Variants in FSTL5 observed in about 807,000 individuals in gnomAD.
FSTL5 encodes follistatin-related protein 5.
FSTL5 carries 62 observed loss-of-function variants against 89.1 expected under a neutral mutation model. That is an observed-to-expected ratio of 0.70 (90% CI 0.57 to 0.86). The LOEUF (loss-of-function observed/expected upper bound fraction) is 0.86. FSTL5 is among the 40% of genes least tolerant of loss of function. The probability of loss-of-function intolerance (pLI) is 0.00; values close to 1 mark genes in which losing one functional copy is unlikely to be tolerated. For missense variants in FSTL5, 1,057 were observed against 1,001.6 expected (o/e 1.06, Z -0.75); for synonymous variants, 383 against 346.2 (o/e 1.11, Z -1.18).
chr4:162,035,417 A>T (rs536357036), intron 2 of FSTL5: 1 of 152,232 alleles, frequency 6.6e-6, no homozygotes, highest in East Asian at 1.9e-4. Flanking sequence ...TGATCCAAGC[A>T]TATATATGTG....
Position 161,528,147 on chromosome 4 carries a change from G to T in FSTL5, c.1312+10019C>A, listed in dbSNP as rs1266349087. 1.1e-3 allele frequency among the ~76,000 whole-genome samples: 61 copies of T among 55,014 alleles called. 1 individual carries two copies. Among genetic ancestry groups the T allele is most frequent in the African/African-American group, 2.9e-3 (58 of 20,022 alleles). 36.1% of individuals were successfully genotyped at this position (55,014 alleles called of 152,430 possible). A position where few individuals can be genotyped will look rare whatever the true frequency, so the allele number is the denominator to read the frequency against. On this transcript the variant is annotated intron_variant, in intron 10 of 15. Transcript: ENST00000306100. ...ACATCATACTCTGGGGACTGTTGTG[G>T]GGTGGGGGGAGGGGGGAGGGATAAC...
chr4:161,864,731 G>A (rs563894650), intron 4 of FSTL5, among the ~76,000 whole-genome samples: 2 of 152,110 alleles, frequency 1.3e-5, no homozygotes, highest in South Asian at 4.1e-4. Context: ...AATTAGCTGG[G>A]TGTGGTGGTG....
chr4:162,086,758 C>A (rs1388720244), intron 2 of FSTL5, among the ~76,000 whole-genome samples: 1 of 151,856 alleles, frequency 6.6e-6, no homozygotes, highest in Non-Finnish European at 1.5e-5. Context: ...TCTAGATACT[C>A]AACAAACTTC....
chr4:161,851,891 C>CTACACA (rs1731564764), intron 4 of FSTL5, among the ~76,000 whole-genome samples: 2 of 52,738 alleles, frequency 3.8e-5, no homozygotes, highest in South Asian at 1.1e-3. Context: ...GATCTCATCC[C>CTACACA]TACACACACA....
intron 4 of FSTL5, among the ~76,000 whole-genome samples, chr4:161,909,902 T>C (rs1478261064): frequency 2.6e-5 from 4 of 152,144 alleles, no homozygotes; most frequent in Non-Finnish European, 4.4e-5. Flanking sequence ...CACACATATA[T>C]TGAATACTGA....
chr4:161,783,050 G>T (rs1741726095), intron 4 of FSTL5, among the ~76,000 whole-genome samples: 2 of 152,046 alleles, frequency 1.3e-5, no homozygotes, highest in Admixed American at 1.3e-4. Context: ...TCATAAAGAT[G>T]CAGAGAACAT....
chr4:161,470,592 G>T (rs1445532003), intron 13 of FSTL5, among the ~76,000 whole-genome samples: 1 of 150,908 alleles, frequency 6.6e-6, no homozygotes, highest in Admixed American at 6.7e-5. Flanking sequence ...GATTCCATAT[G>T]AATTTTAAGA....
intron 8 of FSTL5, among the ~76,000 whole-genome samples, chr4:161,564,238 T>C (rs1732719084): frequency 6.6e-6 from 1 of 151,158 alleles, no homozygotes; most frequent in Non-Finnish European, 1.5e-5. Flanking sequence ...TGTACATATA[T>C]ATGTACACAT....
chr4:162,010,813 T>A (rs1021421035), intron 3 of FSTL5, among the ~76,000 whole-genome samples: 2 of 152,248 alleles, frequency 1.3e-5, no homozygotes, highest in African/African-American at 4.8e-5. Context: ...ATTGAATTAA[T>A]ACACCATATA....
At chr4:161,492,842 A>T (rs2126472566) in intron 12 of FSTL5, among the ~76,000 whole-genome samples, 1 of 152,180 alleles carries the variant, frequency 6.6e-6, no homozygotes, top group African/African-American at 2.4e-5. Flanking sequence ...TATATAAAAT[A>T]ATTATATAGT....
chr4:161,648,767 G>C (rs770089468), intron 7 of FSTL5, among the ~76,000 whole-genome samples: 3 of 152,036 alleles, frequency 2.0e-5, no homozygotes, highest in Non-Finnish European at 4.4e-5. Flanking sequence ...CTAAATGTAG[G>C]TTCTATTAGC....
chr4:161,873,462 T>A, intron 4 of FSTL5, among the ~76,000 whole-genome samples: 1 of 151,616 alleles, frequency 6.6e-6, no homozygotes, highest in Non-Finnish European at 1.5e-5. Flanking sequence ...TTTGTTACAA[T>A]AATAAAATTA....
intron 1 of FSTL5, among the ~76,000 whole-genome samples, chr4:162,152,345 T>C (rs1733256646): frequency 6.6e-6 from 1 of 152,204 alleles, no homozygotes; most frequent in South Asian, 2.1e-4. Flanking sequence ...TTCAGGAAAA[T>C]CTTTGGCACA....
chr4:161,940,823 AC>A (rs1394707188), intron 3 of FSTL5, among the ~76,000 whole-genome samples: 1 of 135,400 alleles, frequency 7.4e-6, no homozygotes, highest in Non-Finnish European at 1.7e-5. Context: ...CATGAAAAAA[AC>A]AAAACAAAAC....
intron 4 of FSTL5, among the ~76,000 whole-genome samples, chr4:161,852,836 T>C (rs747118816): frequency 2.6e-5 from 4 of 151,982 alleles, no homozygotes; most frequent in Non-Finnish European, 4.4e-5. Context: ...CTGGGGTCTG[T>C]TGGGGTGCGT....
At chr4:161,875,622 C>T (rs532691721) in intron 4 of FSTL5, among the ~76,000 whole-genome samples, 1 of 152,314 alleles carries the variant, frequency 6.6e-6, no homozygotes, top group Admixed American at 6.5e-5. Context: ...GTGTACTTTT[C>T]GTTTTCAATA....
At chr4:161,482,831 T>G (rs1003268806) in intron 12 of FSTL5, among the ~76,000 whole-genome samples, 11 of 152,072 alleles carry the variant, frequency 7.2e-5, no homozygotes, top group Non-Finnish European at 1.5e-4. Flanking sequence ...GGCTCTGGAG[T>G]GTCCATTAAT....
chr4:161,893,019 T>C (rs1733038210), intron 4 of FSTL5, among the ~76,000 whole-genome samples: 1 of 152,144 alleles, frequency 6.6e-6, no homozygotes, highest in African/African-American at 2.4e-5. Flanking sequence ...CCACCAGAGC[T>C]AAAATTTCTG....
At chr4:161,936,273 T>G (rs1005707826) in intron 3 of FSTL5, among the ~76,000 whole-genome samples, 15 of 152,188 alleles carry the variant, frequency 9.9e-5, no homozygotes, top group South Asian at 4.1e-4. Flanking sequence ...ATAATTTACA[T>G]AATCTAAGTG....
Sources: allele counts gnomAD v4.1 joint callset (sites outside exome capture counted in the v4.1 genomes callset), GRCh38; gene constraint gnomAD v4.1.1; transcripts MANE v1.5; gene names NCBI Gene and HGNC (gene_info 2026-07-23, HGNC 2026-07-21).